Variants in WASHC3 observed in about 807,000 individuals in gnomAD.
WASHC3 encodes WASH complex subunit 3, also known as WASH complex subunit CCDC53.
In WASHC3, 24 loss-of-function variants were observed where a neutral mutation model predicts 26.1. That is an observed-to-expected ratio of 0.92 (90% CI 0.66 to 1.29). The LOEUF is 1.29. WASHC3 is among the 50% of genes most tolerant of loss of function. The pLI is 0.00. For missense variants in WASHC3, 214 were observed against 229.6 expected, an observed-to-expected ratio of 0.93 and a Z score of 0.44; for synonymous variants, 77 against 75.7, an observed-to-expected ratio of 1.02 and a Z score of -0.09.
chr12:102,055,512 A>G (rs766044509), intron 2 of WASHC3, among the ~76,000 whole-genome samples: 1 of 152,042 alleles, frequency 6.6e-6, no homozygotes, highest in East Asian at 1.9e-4. Flanking sequence ...CGCCCAGTTA[A>G]TTTTTGTATT....
chr12:102,029,294 T>C (rs940733592), intron 5 of WASHC3, among the ~76,000 whole-genome samples: 9 of 152,342 alleles, frequency 5.9e-5, no homozygotes, highest in African/African-American at 2.2e-4. Flanking sequence ...TGAAGTCTAC[T>C]GAACTGTGGG....
At position 102,061,950 on chromosome 12, in the gene WASHC3, C is replaced by A; in HGVS notation, c.13G>T (p.Gly5Trp). 1 of 1,600,428 alleles carries A rather than the reference C, an allele frequency of 6.2e-7. No individual in the cohort carries two copies. The highest frequency in any genetic ancestry group is 8.5e-7 in the Non-Finnish European group (1 of 1,172,824). The change falls in exon 1 of 7, where the codon GGG becomes TGG. Residue 5 changes from glycine (G) to tryptophan (W), a missense_variant. Transcript: ENST00000240079. MDED[G>W]LPLMGSGIDL... ...ATGCCTGACCCCATGAGAGGAAGCC[C>A]GTCCTCATCCATCTCCTCAGCGGGC...
At chr12:102,015,818 G>A (rs919671525) in intron 6 of WASHC3, among the ~76,000 whole-genome samples, 2 of 152,186 alleles carry the variant, frequency 1.3e-5, no homozygotes, top group African/African-American at 4.8e-5. Flanking sequence ...AACTGCATAG[G>A]ACGGTGGTCC....
chr12:102,035,813 G>A (rs1297571855), intron 5 of WASHC3, among the ~76,000 whole-genome samples: 9 of 152,158 alleles, frequency 5.9e-5, no homozygotes, highest in African/African-American at 2.2e-4. Flanking sequence ...TCATAAAACA[G>A]AGTATTAAGT....
At chr12:102,060,124 G>T (rs1443267589) in intron 2 of WASHC3, among the ~76,000 whole-genome samples, 2 of 152,082 alleles carry the variant, frequency 1.3e-5, no homozygotes, top group Non-Finnish European at 2.9e-5. Flanking sequence ...AATTGCTAAG[G>T]CTATACCTTA....
At chr12:102,028,449 T>C (rs2121359770) in intron 5 of WASHC3, among the ~76,000 whole-genome samples, 1 of 152,300 alleles carries the variant, frequency 6.6e-6, no homozygotes, top group South Asian at 2.1e-4. Context: ...TGGCTTCTAC[T>C]AACTATGGTT....
chr12:102,037,080 T>C (rs1250358044), intron 5 of WASHC3, among the ~76,000 whole-genome samples: 1 of 152,210 alleles, frequency 6.6e-6, no homozygotes, highest in Non-Finnish European at 1.5e-5. Flanking sequence ...AAGTACCAAC[T>C]CTAGAGATTC....
At chr12:102,040,961 A>G (rs1877913200) in intron 4 of WASHC3, among the ~76,000 whole-genome samples, 1 of 151,984 alleles carries the variant, frequency 6.6e-6, no homozygotes, top group East Asian at 1.9e-4. Context: ...TTAGACTATG[A>G]ATGTGAATTA....
At chr12:102,038,465 TAAA>T (rs1368445986) in intron 5 of WASHC3, among the ~76,000 whole-genome samples, 1 of 152,200 alleles carries the variant, frequency 6.6e-6, no homozygotes, top group African/African-American at 2.4e-5. Flanking sequence ...GGGGCTAACA[TAAA>T]AAATCTTTCT....
chr12:102,052,232 C>A (rs1048686969), intron 2 of WASHC3, among the ~76,000 whole-genome samples: 3 of 152,244 alleles, frequency 2.0e-5, no homozygotes, highest in Non-Finnish European at 4.4e-5. Flanking sequence ...CTTCCCCCAA[C>A]TCCAGGCAGC....
intron 5 of WASHC3, among the ~76,000 whole-genome samples, chr12:102,030,645 C>G (rs964092187): frequency 7.9e-5 from 12 of 152,004 alleles, no homozygotes; most frequent in African/African-American, 2.4e-4. Context: ...AATTAAATGT[C>G]ACTAAGGATG....
intron 3 of WASHC3, 65 bp downstream of exon 3, chr12:102,045,989 T>C (rs1265633877): frequency 1.2e-6 from 1 of 862,554 alleles, no homozygotes; most frequent in Admixed American, 2.4e-5. Flanking sequence ...GAAAATTAAG[T>C]ATGATTAAGA....
chr12:102,038,999 G>A (rs1284023558), intron 5 of WASHC3, among the ~76,000 whole-genome samples: 2 of 151,604 alleles, frequency 1.3e-5, no homozygotes, highest in Non-Finnish European at 1.5e-5. Context: ...TGTCACCTAC[G>A]CTGAAGTACA....
At chr12:102,014,075 C>CTTTTTTTTTT (rs1189181874) in intron 6 of WASHC3, among the ~76,000 whole-genome samples, 1 of 88,708 alleles carries the variant, frequency 1.1e-5, no homozygotes, top group Non-Finnish European at 2.1e-5. Flanking sequence ...ACTGCTACAT[C>CTTTTTTTTTT]TTTTTTTTTT....
At chr12:102,051,351 AT>A (rs1878386537) in intron 2 of WASHC3, among the ~76,000 whole-genome samples, 1 of 152,246 alleles carries the variant, frequency 6.6e-6, no homozygotes, top group Non-Finnish European at 1.5e-5. Context: ...CTAGAGGCCT[AT>A]TAGGCACTAT....
intron 5 of WASHC3, among the ~76,000 whole-genome samples, chr12:102,038,232 A>C (rs1389486098): frequency 6.6e-6 from 1 of 152,258 alleles, no homozygotes; most frequent in African/African-American, 2.4e-5. Context: ...TACCTAATAC[A>C]GTAGCTTAGC....
At position 102,038,998 on chromosome 12, in the gene WASHC3, C is replaced by T. The variant is rs576480287; in HGVS notation, c.435+870G>A. 7.9e-5 allele frequency among the ~76,000 whole-genome samples: 12 copies of T among 151,990 alleles called. No individual in the cohort carries two copies. The South Asian group carries it at 1.0e-3, about 13-fold the overall frequency. On this transcript the variant is annotated intron_variant, in intron 5 of 6. Transcript: ENST00000240079. ...AGACAGGGTCTTGCTCTGTCACCTA[C>T]GCTGAAGTACAGTGGCACAATCAGT...
chr12:102,024,094 T>C (rs970841779), intron 6 of WASHC3, among the ~76,000 whole-genome samples: 1 of 151,884 alleles, frequency 6.6e-6, no homozygotes. Flanking sequence ...CAAAAGGGAA[T>C]AGGAAAATGT....
chr12:102,018,405 T>C (rs575406392), intron 6 of WASHC3, among the ~76,000 whole-genome samples: 78 of 152,334 alleles, frequency 5.1e-4, no homozygotes, highest in African/African-American at 1.8e-3. Context: ...AGCTGCATCA[T>C]TTTATATTCC....
Sources: allele counts gnomAD v4.1 joint callset (sites outside exome capture counted in the v4.1 genomes callset), GRCh38; gene constraint gnomAD v4.1.1; transcripts MANE v1.5; gene names NCBI Gene and HGNC (gene_info 2026-07-23, HGNC 2026-07-21).